SLC44A2: variants seen among roughly 807,000 people sequenced by gnomAD.
SLC44A2 encodes the protein choline transporter-like protein 2.
A neutral mutation model predicts 90.8 loss-of-function variants in SLC44A2; 57 were observed. That is an observed-to-expected ratio of 0.63 (90% CI 0.51 to 0.78). The LOEUF (loss-of-function observed/expected upper bound fraction) is 0.78, where lower values mean the gene tolerates loss of function less well. Ranked by LOEUF, SLC44A2 falls within the 30% of genes least tolerant of loss-of-function variation. The pLI, the probability that SLC44A2 is intolerant of heterozygous loss-of-function variation, is 0.00. For synonymous variants in SLC44A2, 355 were observed against 360.7 expected (o/e 0.98, Z 0.18); for missense variants, 794 against 919.7 (o/e 0.86, Z 1.77).
intron 4 of SLC44A2, among the ~76,000 whole-genome samples, chr19:10,628,774 C>T (rs2066961581): frequency 1.3e-5 from 2 of 152,036 alleles, no homozygotes; most frequent in South Asian, 4.1e-4. Flanking sequence ...GCCTGAGTGG[C>T]GTCACTTCCT....
chr19:10,635,179 A>G lies in SLC44A2; in HGVS notation c.1072A>G (p.Met358Val), dbSNP rs754962174. 2 of 1,613,978 alleles carry G rather than the reference A, an allele frequency of 1.2e-6. No homozygotes were observed. The highest frequency in any genetic ancestry group is 1.7e-6 in the Non-Finnish European group (2 of 1,180,014). ...CTTCCCTAGGGCTGTGGGATACGTC[A>G]TGTGCTCCTTGCTCTACCCACTGGT... The part of the protein sequence containing the change: ...KEASRAVGYV[M>V]CSLLYPLVTF... The change falls in exon 13 of 22, where the codon ATG (methionine) becomes GTG (valine). Residue 358 changes from methionine to valine, a missense_variant. Physicochemically the swap from Met to Val is conservative, Grantham distance 21. Transcript: ENST00000335757.
upstream of SLC44A2, among the ~76,000 whole-genome samples, chr19:10,622,921 TGCCGCC>T (rs1405430559): frequency 1.3e-5 from 2 of 152,070 alleles, no homozygotes; most frequent in East Asian, 3.8e-4. Flanking sequence ...AAAGCTTAGA[TGCCGCC>T]GCACTGAGTA....
Position 10,644,449 on chromosome 19 carries a change from G to C in SLC44A2, c.*1064G>C, listed in dbSNP as rs2067148010. 6.5e-6 allele frequency: 1 copy of C among 153,074 alleles called. No individual in the cohort carries two copies. 9.5% of individuals were successfully genotyped at this position (153,074 alleles called of 1,614,324 possible). A position where few individuals can be genotyped will look rare whatever the true frequency, so the allele number is the denominator to read the frequency against. On this transcript the variant is annotated 3_prime_UTR_variant, in exon 22 of 22. Coordinates refer to ENST00000335757, the MANE Select transcript of SLC44A2 (RefSeq NM_020428.4). Reference sequence around the variant, plus strand: ...AACTCCTGGCCCCAGGGGAAAGAGGGGGGGGTCTCCCGTTTCCTGTGCCTG... The same window carrying C: ...AACTCCTGGCCCCAGGGGAAAGAGGCGGGGGTCTCCCGTTTCCTGTGCCTG...
At chr19:10,640,700 TG>T in intron 20 of SLC44A2, among the ~76,000 whole-genome samples, 1 of 152,166 alleles carries the variant, frequency 6.6e-6, no homozygotes, top group Admixed American at 6.6e-5. Flanking sequence ...CTAGTGAGGA[TG>T]TGAGCATTAA....
At chr19:10,605,178 C>G (rs573705835) in intron 1 of SLC44A2, among the ~76,000 whole-genome samples, 1 of 151,976 alleles carries the variant, frequency 6.6e-6, no homozygotes, top group African/African-American at 2.4e-5. Context: ...GTCAGGAGAT[C>G]GAGACAATCC....
intron 1 of SLC44A2, among the ~76,000 whole-genome samples, chr19:10,619,231 A>T (rs2066879610): frequency 6.6e-6 from 1 of 151,340 alleles, no homozygotes; most frequent in African/African-American, 2.4e-5. Flanking sequence ...AGAGTTCGAG[A>T]CCAGCTGGGC....
chr19:10,641,861 GAAA>G (rs893962170), intron 20 of SLC44A2, among the ~76,000 whole-genome samples: 2 of 120,274 alleles, frequency 1.7e-5, no homozygotes, highest in African/African-American at 3.0e-5. Context: ...CTCAAAAAAA[GAAA>G]AAAAAAAAAG....
intron 14 of SLC44A2, 73 bp downstream of exon 14, chr19:10,635,588 C>G: frequency 1.5e-6 from 2 of 1,347,080 alleles, no homozygotes; most frequent in Non-Finnish European, 2.1e-6. Flanking sequence ...CTCTCATGTC[C>G]ACTTGGAGGT....
In SLC44A2 at chr19:10,633,282, G is replaced by C. The variant is rs534891050; in HGVS notation, c.823+1126G>C. On this transcript the variant is annotated intron_variant, in intron 10 of 21. Transcript: ENST00000335757. ...CGGGTTCAAGCAATTTTCCTACCTCGCCTCCCGAGTATCTGGGATTACAGG... is the reference window on the plus strand; with the variant it reads ...CGGGTTCAAGCAATTTTCCTACCTCCCCTCCCGAGTATCTGGGATTACAGG... Among the ~76,000 whole-genome samples, 157 of 151,398 alleles carry C rather than the reference G, an allele frequency of 1.0e-3. 2 individuals are homozygous for C. The highest frequency in any genetic ancestry group is 3.4e-3 in the African/African-American group (141 of 41,208).
intron 21 of SLC44A2, 107 bp downstream of exon 21, chr19:10,642,558 C>T: frequency 9.2e-7 from 1 of 1,092,204 alleles, no homozygotes; most frequent in Non-Finnish European, 1.4e-6. Context: ...CCCCAGCTTC[C>T]CCAGGGCTTG....
intron 20 of SLC44A2, among the ~76,000 whole-genome samples, chr19:10,639,180 C>T (rs1306662092): frequency 2.6e-5 from 4 of 152,150 alleles, no homozygotes; most frequent in African/African-American, 9.7e-5. Flanking sequence ...GTGATCCGCC[C>T]GCCTCGGGCT....
chr19:10,635,392 C>T, intron 13 of SLC44A2, 39 bp from the exon 14 acceptor site: 1 of 1,611,464 alleles, frequency 6.2e-7, no homozygotes, highest in Non-Finnish European at 8.5e-7. Context: ...TCCCTGGGGT[C>T]CTCAGTCCTA....
chr19:10,621,095 T>G (rs1442030582), upstream of SLC44A2, among the ~76,000 whole-genome samples: 1 of 152,088 alleles, frequency 6.6e-6, no homozygotes, highest in African/African-American at 2.4e-5. Context: ...ATGCCTATAA[T>G]CCCAGCACTT....
chr19:10,602,651 G>C (rs2144792654), intron 1 of SLC44A2: 2 of 1,163,050 alleles, frequency 1.7e-6, no homozygotes, highest in Non-Finnish European at 2.2e-6. Context: ...CCTAGGCACC[G>C]GCGCTGCGGC....
At chr19:10,613,506 T>C (rs1158894187) in intron 1 of SLC44A2, among the ~76,000 whole-genome samples, 1 of 152,096 alleles carries the variant, frequency 6.6e-6, no homozygotes, top group Non-Finnish European at 1.5e-5. Context: ...CTGCCTTGAC[T>C]TCCCAAAGTG....
At position 10,625,681 on chromosome 19, in the gene SLC44A2, A is replaced by AC; in HGVS notation, c.37+16dup. ...ACTACGGGAAACACGGTAGGCAGCG[A>AC]CCCCCGCCCGTAGCCCCGGGCCGAC... On this transcript the variant is annotated intron_variant, in intron 1 of 21. Transcript: ENST00000335757. 1.6e-6 allele frequency: 2 copies of AC among 1,248,028 alleles called. No homozygotes were observed. The highest frequency in any genetic ancestry group is 3.2e-5 in the East Asian group (1 of 31,720). 77.3% of individuals were successfully genotyped at this position (1,248,028 alleles called of 1,614,324 possible). A position where few individuals can be genotyped will look rare whatever the true frequency, so the allele number is the denominator to read the frequency against.
At chr19:10,628,262 G>A (rs527295000) in intron 4 of SLC44A2, among the ~76,000 whole-genome samples, 2 of 152,198 alleles carry the variant, frequency 1.3e-5, no homozygotes, top group Non-Finnish European at 2.9e-5. Flanking sequence ...GCACATGCCT[G>A]TAATCCCAGC....
At chr19:10,608,205 A>G (rs1379872443) in intron 1 of SLC44A2, among the ~76,000 whole-genome samples, 1 of 150,490 alleles carries the variant, frequency 6.6e-6, no homozygotes, top group Non-Finnish European at 1.5e-5. Context: ...CCTGGGCAAC[A>G]GAGCGAGACT....
At chr19:10,608,651 A>T (rs951780618) in intron 1 of SLC44A2, among the ~76,000 whole-genome samples, 49 of 150,394 alleles carry the variant, frequency 3.3e-4, no homozygotes, top group Non-Finnish European at 1.0e-4. Flanking sequence ...TTATTTATTT[A>T]TTTATTTTTT....
Sources: allele counts gnomAD v4.1 joint callset (sites outside exome capture counted in the v4.1 genomes callset), GRCh38; gene constraint gnomAD v4.1.1; transcripts MANE v1.5; gene names NCBI Gene and HGNC (gene_info 2026-07-23, HGNC 2026-07-21).